Variants in COL14A1 observed in about 807,000 individuals in gnomAD.
COL14A1 encodes collagen alpha-1(XIV) chain.
COL14A1 carries 136 observed loss-of-function variants against 230.3 expected under a neutral mutation model. That is an observed-to-expected ratio of 0.59 (90% CI 0.51 to 0.68). The LOEUF is 0.68. Ranked by LOEUF, COL14A1 falls within the 30% of genes least tolerant of loss-of-function variation. The pLI is 0.00. For synonymous variants in COL14A1, 792 were observed against 784.1 expected (o/e 1.01, Z -0.17); for missense variants, 1,976 against 2,215.8 (o/e 0.89, Z 2.17).
intron 45 of COL14A1, among the ~76,000 whole-genome samples, chr8:120,359,112 G>A (rs1386199427): frequency 6.6e-6 from 1 of 151,866 alleles, no homozygotes; most frequent in Non-Finnish European, 1.5e-5. Flanking sequence ...TGAACGTGCA[G>A]GTTTGTTACA....
At position 120,270,112 on chromosome 8, in the gene COL14A1, A is replaced by T. The variant is rs1247851053; in HGVS notation, c.3151A>T (p.Ile1051Phe). The T allele has an allele frequency of 3.1e-6, 5 of 1,611,566 alleles. No homozygotes were observed. In the South Asian group the frequency reaches 3.3e-5, roughly 11 times the overall value. The change falls in exon 26 of 48, where the codon ATC becomes TTC. Residue 1051 changes from isoleucine to phenylalanine, a missense_variant. Ile to Phe is a conservative substitution (Grantham distance 21, BLOSUM62 0). This residue lies in a region of COL14A1 where 1,791 missense variants were observed against 2,019.5 expected (regional missense o/e 0.89). Coordinates refer to ENST00000297848, the MANE Select transcript of COL14A1 (RefSeq NM_021110.4). ...WSIGDENFNK[I>F]ISFLYSTVGA... is the part of the protein sequence containing the mutation. ...CATTGGAGATGAAAATTTCAATAAG[A>T]TCATCAGCTTTCTATACAGCACTGT...
chr8:120,370,773 T>A, intron 47 of COL14A1: 1 of 1,374,168 alleles, frequency 7.3e-7, no homozygotes, highest in Non-Finnish European at 9.7e-7. Context: ...CACCCTACTC[T>A]CCCTTCCTCC....
At chr8:120,128,802 T>C (rs994849108) in intron 1 of COL14A1, among the ~76,000 whole-genome samples, 2 of 152,224 alleles carry the variant, frequency 1.3e-5, no homozygotes, top group Non-Finnish European at 2.9e-5. Flanking sequence ...CTGAAAGGTG[T>C]CTCTGTGAAT....
chr8:120,173,648 C>CTCTATCTA (rs59734398), intron 5 of COL14A1, among the ~76,000 whole-genome samples: 12,984 of 146,238 alleles, frequency 0.089, 616 homozygotes, highest in Non-Finnish European at 0.1. Flanking sequence ...TATTATCTGT[C>CTCTATCTA]TCTATCTATC....
rs60652647 is a variant in COL14A1 at position 120,177,652 on chromosome 8, CAAAAAAA to C, written c.436+9419_436+9425del. Among the ~76,000 whole-genome samples, 19 of 82,824 alleles carry C rather than the reference CAAAAAAA, an allele frequency of 2.3e-4. 1 individual carries two copies. Among genetic ancestry groups the C allele is most frequent in the Non-Finnish European group, 1.3e-4 (6 of 44,934 alleles). 54.3% of individuals were successfully genotyped at this position (82,824 alleles called of 152,430 possible). On this transcript the variant is annotated intron_variant, in intron 5 of 47. Coordinates refer to ENST00000297848, the MANE Select transcript of COL14A1 (RefSeq NM_021110.4). The stretch of plus-strand genomic sequence containing the variant: ...TGACAGAGCGAGACTTTGCCTGCTT[CAAAAAAA>C]AAAAAAAAAAAAAGACTGTATACAT...
chr8:120,224,779 C>T (rs921542059), intron 14 of COL14A1, among the ~76,000 whole-genome samples: 1 of 152,310 alleles, frequency 6.6e-6, no homozygotes, highest in South Asian at 2.1e-4. Context: ...AAGCAAAAAA[C>T]TGGCTGCTAC....
intron 5 of COL14A1, among the ~76,000 whole-genome samples, chr8:120,177,681 A>G (rs1229852017): frequency 6.6e-5 from 9 of 137,198 alleles, no homozygotes; most frequent in Non-Finnish European, 1.3e-4. Flanking sequence ...AAGACTGTAT[A>G]CATATAAAAA....
intron 39 of COL14A1, 76 bp downstream of exon 39, chr8:120,315,662 T>A: frequency 8.4e-7 from 1 of 1,194,278 alleles, no homozygotes; most frequent in Non-Finnish European, 1.2e-6. Flanking sequence ...CTGTAGCTTC[T>A]GAAGTCAGTT....
intron 33 of COL14A1, among the ~76,000 whole-genome samples, chr8:120,287,752 C>T (rs974074624): frequency 6.6e-6 from 1 of 152,068 alleles, no homozygotes; most frequent in Non-Finnish European, 1.5e-5. Context: ...TCTCATGTGA[C>T]AAAATACTTT....
intron 12 of COL14A1, among the ~76,000 whole-genome samples, chr8:120,210,106 A>G (rs535589530): frequency 6.6e-6 from 1 of 152,244 alleles, no homozygotes. Flanking sequence ...AAAGCAACAC[A>G]TGGAAATGGT....
chr8:120,198,756 C>T (rs1304633934), intron 7 of COL14A1, among the ~76,000 whole-genome samples: 1 of 152,162 alleles, frequency 6.6e-6, no homozygotes, highest in Non-Finnish European at 1.5e-5. Flanking sequence ...TAGAGATGCT[C>T]AGATGAAGCA....
chr8:120,267,889 A>C (rs556748077), intron 25 of COL14A1, among the ~76,000 whole-genome samples: 1 of 152,032 alleles, frequency 6.6e-6, no homozygotes, highest in South Asian at 2.1e-4. Context: ...ATGGACTAGA[A>C]GAATGAGAGG....
chr8:120,131,724 A>G (rs1016654243), intron 1 of COL14A1, among the ~76,000 whole-genome samples: 1 of 150,932 alleles, frequency 6.6e-6, no homozygotes, highest in Non-Finnish European at 1.5e-5. Flanking sequence ...ATTAGATCCC[A>G]CTTGTCAATT....
intron 5 of COL14A1, among the ~76,000 whole-genome samples, chr8:120,173,648 CTCTATCTATCTATCTA>C (rs59734398): frequency 1.3e-3 from 193 of 146,362 alleles, no homozygotes; most frequent in African/African-American, 3.3e-3. Context: ...TATTATCTGT[CTCTATCTATCTATCTA>C]TCTATCTATC....
intron 5 of COL14A1, among the ~76,000 whole-genome samples, chr8:120,178,839 C>CT (rs1345450226): frequency 1.3e-5 from 2 of 151,492 alleles, no homozygotes; most frequent in Admixed American, 6.6e-5. Flanking sequence ...TGATGATGAG[C>CT]TTTTTTTTCA....
At chr8:120,297,725 A>G (rs1170871730) in intron 35 of COL14A1, 137 bp downstream of exon 35, 2 of 442,872 alleles carry the variant, frequency 4.5e-6, no homozygotes, top group Non-Finnish European at 7.7e-6. Context: ...ATAAAGAGGC[A>G]TGTCTGAAAT....
intron 14 of COL14A1, among the ~76,000 whole-genome samples, chr8:120,224,211 C>T (rs1393094032): frequency 2.0e-5 from 3 of 151,442 alleles, no homozygotes; most frequent in Non-Finnish European, 4.4e-5. Flanking sequence ...ATTTTTAGTA[C>T]AGATGGGGTT....
At chr8:120,184,806 GCTT>G (rs1816595431) in intron 5 of COL14A1, among the ~76,000 whole-genome samples, 1 of 152,126 alleles carries the variant, frequency 6.6e-6, no homozygotes, top group Non-Finnish European at 1.5e-5. Context: ...AGTCAGGCAG[GCTT>G]CTCTCTTACT....
intron 22 of COL14A1, among the ~76,000 whole-genome samples, chr8:120,254,629 A>G (rs1375538405): frequency 2.0e-5 from 3 of 152,094 alleles, no homozygotes; most frequent in African/African-American, 7.2e-5. Context: ...AAATTACCCA[A>G]CATTTCATCA....
Sources: allele counts gnomAD v4.1 joint callset (sites outside exome capture counted in the v4.1 genomes callset), GRCh38; gene constraint gnomAD v4.1.1; regional missense constraint gnomAD v4.1.1; transcripts MANE v1.5; gene names NCBI Gene and HGNC (gene_info 2026-07-23, HGNC 2026-07-21).